The following PITPNC1 variants were observed in gnomAD, a reference collection of about 807,000 sequenced individuals.
PITPNC1 encodes the protein phosphatidylinositol transfer protein cytoplasmic 1, also known as cytoplasmic phosphatidylinositol transfer protein 1.
In PITPNC1, 18 loss-of-function variants were observed where a neutral mutation model predicts 44.7. The ratio of observed to expected loss-of-function variants is 0.40; its 90% CI spans 0.28 to 0.60. The LOEUF (loss-of-function observed/expected upper bound fraction) is 0.60, where lower values mean the gene tolerates loss of function less well. Ranked by LOEUF, PITPNC1 falls within the 20% of genes least tolerant of loss-of-function variation. The pLI is 0.39. For missense variants in PITPNC1, 290 were observed against 418.4 expected (o/e 0.69, Z 2.68); for synonymous variants, 141 against 149.6 (o/e 0.94, Z 0.42).
chr17:67,416,494 G>A (rs1969888031), intron 1 of PITPNC1, among the ~76,000 whole-genome samples: 1 of 151,922 alleles, frequency 6.6e-6, no homozygotes, highest in Non-Finnish European at 1.5e-5. Flanking sequence ...AGGATTATAA[G>A]CGTGAGCCAC....
chr17:67,668,779 G>A (rs940544600), intron 6 of PITPNC1, among the ~76,000 whole-genome samples: 5 of 136,010 alleles, frequency 3.7e-5, no homozygotes, highest in South Asian at 2.6e-4. Flanking sequence ...GGAGAATGGC[G>A]TGAACCCGGG....
intron 6 of PITPNC1, among the ~76,000 whole-genome samples, chr17:67,658,422 C>T (rs545660765): frequency 6.6e-6 from 1 of 152,320 alleles, no homozygotes; most frequent in African/African-American, 2.4e-5. Flanking sequence ...AGCATGCGCT[C>T]CCTATTGTTA....
rs564410692 is a variant in PITPNC1 at position 67,541,069 on chromosome 17, G to T, written c.197+8119G>T. Among the ~76,000 whole-genome samples the T allele has an allele frequency of 2.8e-4, 42 of 152,190 alleles. No homozygotes were observed. In the East Asian group the frequency reaches 7.3e-3, roughly 27 times the overall value. ...CTGCCTGCTAAAAATGCAAAAATTC[G>T]CCAGGAGCGGTGTCAGACGCCTGTA... On this transcript the variant is annotated intron_variant, in intron 2 of 8. Transcript: ENST00000581322.
chr17:67,501,824 ACT>A (rs974318985), intron 1 of PITPNC1, among the ~76,000 whole-genome samples: 69 of 151,432 alleles, frequency 4.6e-4, no homozygotes, highest in African/African-American at 1.5e-3. Context: ...CAAGAGCAAA[ACT>A]CTGTCTCAAA....
chr17:67,392,751 T>G (rs1329894428), intron 1 of PITPNC1, among the ~76,000 whole-genome samples: 1 of 152,326 alleles, frequency 6.6e-6, no homozygotes, highest in Non-Finnish European at 1.5e-5. Context: ...AAAGGAACTA[T>G]TTGAAGAGGA....
Position 67,427,128 on chromosome 17 carries a change from G to A in PITPNC1, c.48+48926G>A, listed in dbSNP as rs117579610. On this transcript the variant is annotated intron_variant, in intron 1 of 8. Coordinates refer to ENST00000581322, the MANE Select transcript of PITPNC1 (RefSeq NM_012417.4). ...GAGTTCTCCTGGTTGTCTGGAATGA[G>A]TTCATACTAATAGTCAGGGCTCTGG... Among the ~76,000 whole-genome samples, 1,497 of 152,234 alleles carry A rather than the reference G, an allele frequency of 9.8e-3. 25 individuals carry two copies. Among genetic ancestry groups the A allele is most frequent in the Non-Finnish European group, 0.014 (927 of 68,014 alleles).
chr17:67,569,631 T>C (rs1325353020), intron 4 of PITPNC1, among the ~76,000 whole-genome samples: 27 of 152,158 alleles, frequency 1.8e-4, no homozygotes, highest in Non-Finnish European at 2.9e-5. Context: ...AGACACCAGA[T>C]AAAAGGAAGA....
At chr17:67,489,689 G>T (rs961498714) in intron 1 of PITPNC1, among the ~76,000 whole-genome samples, 4 of 152,162 alleles carry the variant, frequency 2.6e-5, no homozygotes, top group African/African-American at 9.7e-5. Flanking sequence ...TACTGAACCC[G>T]AACCTTTTCT....
intron 1 of PITPNC1, among the ~76,000 whole-genome samples, chr17:67,510,232 A>C (rs938505361): frequency 3.3e-5 from 5 of 149,578 alleles, no homozygotes; most frequent in African/African-American, 1.3e-4. Context: ...GAGTTGCTTA[A>C]GAGACTCAGC....
chr17:67,622,149 C>T (rs557552678), intron 5 of PITPNC1, among the ~76,000 whole-genome samples: 9 of 150,164 alleles, frequency 6.0e-5, no homozygotes, highest in Non-Finnish European at 1.3e-4. Flanking sequence ...CCCAGCTACT[C>T]GGGAAGCTGA....
At chr17:67,455,018 G>T (rs973222754) in intron 1 of PITPNC1, among the ~76,000 whole-genome samples, 1 of 151,748 alleles carries the variant, frequency 6.6e-6, no homozygotes, top group Non-Finnish European at 1.5e-5. Flanking sequence ...ATGGGGTCTT[G>T]CTATGTTGCC....
At chr17:67,619,156 TA>T (rs1283849904) in intron 5 of PITPNC1, among the ~76,000 whole-genome samples, 1 of 152,224 alleles carries the variant, frequency 6.6e-6, no homozygotes, top group Non-Finnish European at 1.5e-5. Flanking sequence ...GGATATGCTT[TA>T]TGCCTTCTAA....
chr17:67,546,217 A>G (rs1265905175), intron 2 of PITPNC1, among the ~76,000 whole-genome samples: 1 of 151,396 alleles, frequency 6.6e-6, no homozygotes, highest in Non-Finnish European at 1.5e-5. Context: ...AAAACAGTAT[A>G]TCGTCTAGAA....
intron 1 of PITPNC1, among the ~76,000 whole-genome samples, chr17:67,511,860 T>TGG (rs2040188560): frequency 6.6e-6 from 1 of 152,180 alleles, no homozygotes; most frequent in African/African-American, 2.4e-5. Context: ...ATGTTTTAGT[T>TGG]TACATTTTAA....
intron 1 of PITPNC1, among the ~76,000 whole-genome samples, chr17:67,468,643 T>A (rs1399291561): frequency 6.6e-6 from 1 of 151,520 alleles, no homozygotes; most frequent in African/African-American, 2.4e-5. Flanking sequence ...GACCTCGTGA[T>A]CCGCCCACCT....
At chr17:67,443,784 GC>G (rs2039052942) in intron 1 of PITPNC1, among the ~76,000 whole-genome samples, 1 of 151,844 alleles carries the variant, frequency 6.6e-6, no homozygotes, top group African/African-American at 2.4e-5. Context: ...ACAGGCGTCT[GC>G]CACCACGCCT....
Position 67,643,469 on chromosome 17 carries a change from T to C in PITPNC1, c.462+11231T>C, listed in dbSNP as rs1355920383. ...AGGAACAGACCAGGGAGGGAAGAAT[T>C]CATCCAAGCAAAACATTCATGGAAG... On this transcript the variant is annotated intron_variant, in intron 6 of 8. Coordinates refer to ENST00000581322, the MANE Select transcript of PITPNC1 (RefSeq NM_012417.4). Among the ~76,000 whole-genome samples the C allele has an allele frequency of 2.6e-5, 4 of 152,210 alleles. No individual in the cohort carries two copies. The East Asian group carries it at 5.8e-4, about 22-fold the overall frequency.
In PITPNC1 at chr17:67,552,287, C is replaced by T; in HGVS notation, c.228C>T (p.Val76=). Reference sequence around the variant, plus strand: ...TGCCTAGTTGGGCTAGAGCTGTTGTCCCCAAAATATTTTATGTGACAGAGA... The same window carrying T: ...TGCCTAGTTGGGCTAGAGCTGTTGTTCCCAAAATATTTTATGTGACAGAGA... ...SKLPSWARAV[V]PKIFYVTEKA... The change falls in exon 3 of 9, where the codon GTC becomes GTT. Residue 76 remains valine, a synonymous_variant. Transcript: ENST00000581322. The T allele has an allele frequency of 6.2e-7, 1 of 1,605,572 alleles. No homozygotes were observed.
chr17:67,492,050 A>G (rs2039872439), intron 1 of PITPNC1, among the ~76,000 whole-genome samples: 1 of 151,810 alleles, frequency 6.6e-6, no homozygotes, highest in Non-Finnish European at 1.5e-5. Context: ...TATGGTGAAT[A>G]ACAAGTATAT....
Sources: allele counts gnomAD v4.1 joint callset (sites outside exome capture counted in the v4.1 genomes callset), GRCh38; gene constraint gnomAD v4.1.1; transcripts MANE v1.5; gene names NCBI Gene and HGNC (gene_info 2026-07-23, HGNC 2026-07-21).